The following TBC1D32 variants were observed in gnomAD, a reference collection of about 807,000 sequenced individuals.
The protein encoded by TBC1D32 is protein broad-minded.
A neutral mutation model predicts 170.3 loss-of-function variants in TBC1D32; 151 were observed. The observed-to-expected ratio is 0.89, with a 90% CI of 0.78 to 1.01. The LOEUF is 1.01. TBC1D32 is among the 50% of genes least tolerant of loss of function. The pLI is 0.00. For synonymous variants in TBC1D32, 498 were observed against 488.0 expected (o/e 1.02, Z -0.27); for missense variants, 1,464 against 1,457.1 (o/e 1.00, Z -0.08).
At chr6:121,312,199 G>A (rs563175824) in intron 3 of TBC1D32, among the ~76,000 whole-genome samples, 2 of 152,094 alleles carry the variant, frequency 1.3e-5, no homozygotes, top group African/African-American at 4.8e-5. Flanking sequence ...GTCAGGGAAT[G>A]AGGGGCAAGG....
upstream of TBC1D32, chr6:121,334,494 C>CG: frequency 1.3e-6 from 2 of 1,513,042 alleles, no homozygotes; most frequent in Non-Finnish European, 1.8e-6. Flanking sequence ...GCACTGCGCA[C>CG]GCGCACGCGC....
At chr6:121,252,895 G>A (rs904435776) in intron 17 of TBC1D32, among the ~76,000 whole-genome samples, 1 of 151,996 alleles carries the variant, frequency 6.6e-6, no homozygotes, top group Non-Finnish European at 1.5e-5. Flanking sequence ...TGGGAAAACT[G>A]GCAAGCCACA....
chr6:121,299,891 G>C (rs940175223), intron 9 of TBC1D32, among the ~76,000 whole-genome samples: 8 of 152,212 alleles, frequency 5.3e-5, no homozygotes, highest in African/African-American at 1.9e-4. Context: ...GATACTGTAC[G>C]GTCTACATGT....
chr6:121,106,779 TTA>T (rs1195428670), intron 29 of TBC1D32, among the ~76,000 whole-genome samples: 1 of 152,010 alleles, frequency 6.6e-6, no homozygotes, highest in Non-Finnish European at 1.5e-5. Context: ...TGTATAAAAT[TTA>T]TGTTTATTTC....
Position 121,091,039 on chromosome 6 carries a change from A to T in TBC1D32, c.3468T>A (p.Ile1156=). The change falls in exon 31 of 32, where the codon ATT becomes ATA. Residue 1156 remains isoleucine, a splice_region_variant and synonymous_variant. Transcript: ENST00000398212. ...AACACTGGGTTATCCATTGCAGGCAAATCTTTAAAAAAAAAAAGTAGTAAG... is the reference window on the plus strand; with the variant it reads ...AACACTGGGTTATCCATTGCAGGCATATCTTTAAAAAAAAAAAGTAGTAAG... The part of the protein sequence containing the change: ...FHMSGFAPSQ[I]CLQWITQCFW... 1 of 1,562,976 alleles carries T rather than the reference A, an allele frequency of 6.4e-7. No individual in the cohort carries two copies.
At chr6:121,140,839 A>G (rs1782697502) in intron 24 of TBC1D32, among the ~76,000 whole-genome samples, 1 of 152,158 alleles carries the variant, frequency 6.6e-6, no homozygotes, top group African/African-American at 2.4e-5. Flanking sequence ...AGTCTAACTC[A>G]AGAAGCTTTC....
rs1811587905 is a variant in TBC1D32, at chr6:121,334,282, A to G, written c.149T>C (p.Phe50Ser). The change falls in exon 1 of 32, where the codon TTT becomes TCT. Residue 50 changes from phenylalanine to serine, a missense_variant. Around this residue, in one of 3 missense-constraint regions of TBC1D32, gnomAD observed 1,363 missense variants for 1,338.1 expected, o/e 1.02. Coordinates refer to ENST00000398212, the MANE Select transcript of TBC1D32 (RefSeq NM_152730.6). ...LLHLEETDEN[F>S]HNYEFVKYLR... ...ACATCAAAAGCAATTTTACTTGTGA[A>G]AATTTTCATCAGTTTCCTCCAGATG... 1.2e-6 allele frequency: 2 copies of G among 1,614,016 alleles called. No individual in the cohort carries two copies. The highest frequency in any genetic ancestry group is 4.5e-5 in the East Asian group (2 of 44,862).
chr6:121,252,532 A>G (rs1466910890), intron 17 of TBC1D32, among the ~76,000 whole-genome samples: 1 of 152,212 alleles, frequency 6.6e-6, no homozygotes, highest in East Asian at 1.9e-4. Flanking sequence ...GAACACATGG[A>G]CACAGGGAGG....
rs1015274605 is a variant in TBC1D32 at position 121,222,191 on chromosome 6, C to T, written c.2481+1045G>A. ...AAAGTATTTTTAATTAAGCAATAAACTTTTTTAGACGTAATTCTATTGCAC... is the reference window on the plus strand; with the variant it reads ...AAAGTATTTTTAATTAAGCAATAAATTTTTTTAGACGTAATTCTATTGCAC... On this transcript the variant is annotated intron_variant, in intron 21 of 31. Coordinates refer to ENST00000398212, the MANE Select transcript of TBC1D32 (RefSeq NM_152730.6). Among the ~76,000 whole-genome samples, 7 of 152,200 alleles carry T rather than the reference C, an allele frequency of 4.6e-5. No individual in the cohort carries two copies. The East Asian group carries it at 1.4e-3, about 29-fold the overall frequency.
chr6:121,285,429 G>A (rs893349074), intron 12 of TBC1D32, among the ~76,000 whole-genome samples: 1 of 152,116 alleles, frequency 6.6e-6, no homozygotes, highest in Admixed American at 6.5e-5. Flanking sequence ...AAATTCATTA[G>A]AGACCCAGTC....
rs757539915 is a variant in TBC1D32 at position 121,294,645 on chromosome 6, G to GA, written c.1155dup (p.Gln386SerfsTer8). On this transcript the variant is annotated frameshift_variant, in exon 11 of 32. Transcript: ENST00000398212. LOFTEE classifies it high-confidence loss of function. ...ATTTCAAAGTACTGAACACACTGTTGAATGGCTGTAGTTACCTGATGAAAT... is the reference window on the plus strand; with the variant it reads ...ATTTCAAAGTACTGAACACACTGTTGAAATGGCTGTAGTTACCTGATGAAAT... 22 of 1,611,670 alleles carry GA rather than the reference G, an allele frequency of 1.4e-5. No individual in the cohort carries two copies. The highest frequency in any genetic ancestry group is 1.7e-5 in the Non-Finnish European group (20 of 1,178,848).
intron 15 of TBC1D32, among the ~76,000 whole-genome samples, chr6:121,264,457 T>C (rs931274715): frequency 1.2e-4 from 18 of 152,008 alleles, no homozygotes; most frequent in African/African-American, 4.4e-4. Context: ...AAGGACCAAA[T>C]GGATTCACAG....
intron 30 of TBC1D32, among the ~76,000 whole-genome samples, chr6:121,095,271 T>C (rs950760531): frequency 1.3e-5 from 2 of 152,154 alleles, no homozygotes; most frequent in African/African-American, 2.4e-5. Flanking sequence ...ATACTTAACA[T>C]TATGCCAGAG....
chr6:121,158,982 C>T (rs945485065), intron 24 of TBC1D32, among the ~76,000 whole-genome samples: 9 of 152,142 alleles, frequency 5.9e-5, no homozygotes, highest in Non-Finnish European at 1.3e-4. Flanking sequence ...CTTGCTGTCA[C>T]ATTCCAAATC....
intron 15 of TBC1D32, among the ~76,000 whole-genome samples, chr6:121,274,291 C>T (rs960840581): frequency 2.6e-5 from 4 of 151,642 alleles, no homozygotes; most frequent in African/African-American, 4.8e-5. Context: ...CAAGATCATG[C>T]GACTGCACTC....
intron 1 of TBC1D32, among the ~76,000 whole-genome samples, 191 bp downstream of exon 1, chr6:121,334,085 G>A (rs1424086955): frequency 1.3e-5 from 2 of 152,038 alleles, no homozygotes; most frequent in Non-Finnish European, 2.9e-5. Flanking sequence ...TAGAGAGAAA[G>A]AGGCGGCAGA....
intron 26 of TBC1D32, among the ~76,000 whole-genome samples, chr6:121,121,452 A>T (rs1370439119): frequency 6.6e-6 from 1 of 152,058 alleles, no homozygotes; most frequent in Non-Finnish European, 1.5e-5. Flanking sequence ...AGGAAAGATG[A>T]TCTGTTATCA....
chr6:121,097,297 A>G (rs1050044667), intron 30 of TBC1D32, among the ~76,000 whole-genome samples: 1 of 152,200 alleles, frequency 6.6e-6, no homozygotes, highest in African/African-American at 2.4e-5. Flanking sequence ...CAATCTATCC[A>G]TCTGACAGAG....
At chr6:121,100,839 G>T (rs1318639048) in intron 30 of TBC1D32, among the ~76,000 whole-genome samples, 1 of 152,016 alleles carries the variant, frequency 6.6e-6, no homozygotes, top group East Asian at 1.9e-4. Context: ...TAGACTGCTA[G>T]CCAGACTAAT....
Sources: allele counts gnomAD v4.1 joint callset (sites outside exome capture counted in the v4.1 genomes callset), GRCh38; gene constraint gnomAD v4.1.1; regional missense constraint gnomAD v4.1.1; transcripts MANE v1.5; gene names NCBI Gene and HGNC (gene_info 2026-07-23, HGNC 2026-07-21).